The following AGBL1 variants were observed in gnomAD, a reference collection of about 807,000 sequenced individuals.
AGBL1 encodes cytosolic carboxypeptidase 4.
A neutral mutation model predicts 118.9 loss-of-function variants in AGBL1; 130 were observed. That is an observed-to-expected ratio of 1.09 (90% confidence interval 0.95 to 1.26). The LOEUF is 1.26. Among genes scored for constraint, AGBL1 ranks in the 50% most tolerant of loss-of-function variants. AGBL1 has a pLI of 0.00. For synonymous variants in AGBL1, 555 were observed against 478.9 expected (o/e 1.16, Z -2.08); for missense variants, 1,584 against 1,298.1 (o/e 1.22, Z -3.38).
At chr15:86,611,104 T>G (rs999219954) in intron 21 of AGBL1, among the ~76,000 whole-genome samples, 4 of 152,198 alleles carry the variant, frequency 2.6e-5, no homozygotes, top group African/African-American at 9.7e-5. Context: ...ACTTGTATCT[T>G]GTATCTGCTC....
intron 17 of AGBL1, among the ~76,000 whole-genome samples, chr15:86,354,250 T>G (rs1200212495): frequency 6.6e-6 from 1 of 152,232 alleles, no homozygotes; most frequent in Non-Finnish European, 1.5e-5. Flanking sequence ...AAGCAGAAAT[T>G]CATTTGATTA....
chr15:86,485,910 C>T (rs1445187658), intron 18 of AGBL1, among the ~76,000 whole-genome samples: 1 of 152,038 alleles, frequency 6.6e-6, no homozygotes, highest in Non-Finnish European at 1.5e-5. Flanking sequence ...TTGACCACAT[C>T]TCTCCTTTCC....
chr15:86,941,196 A>C lies in AGBL1; in HGVS notation c.3222-46791A>C, dbSNP rs139927876. On this transcript the variant is annotated intron_variant, in intron 23 of 24. Coordinates refer to the AGBL1 transcript ENST00000441037. ...TGAATGGATATATTTGAAGAGCACAAACTCTTTGGCTTTTGGTTAAATATT... is the reference window on the plus strand; with the variant it reads ...TGAATGGATATATTTGAAGAGCACACACTCTTTGGCTTTTGGTTAAATATT... Among the ~76,000 whole-genome samples the C allele has an allele frequency of 2.6e-5, 4 of 152,308 alleles. No individual in the cohort carries two copies. The East Asian group carries it at 5.8e-4, about 22-fold the overall frequency.
chr15:86,216,725 A>G (rs1313808308), intron 5 of AGBL1, among the ~76,000 whole-genome samples: 3 of 152,168 alleles, frequency 2.0e-5, no homozygotes, highest in Admixed American at 6.5e-5. Flanking sequence ...TTTAAAAAAA[A>G]TGTAGAGTTG....
chr15:86,178,475 G>T (rs2077511740), intron 5 of AGBL1, among the ~76,000 whole-genome samples: 2 of 152,072 alleles, frequency 1.3e-5, no homozygotes, highest in Non-Finnish European at 2.9e-5. Flanking sequence ...CCAATAAATT[G>T]GACAACTTAG....
chr15:86,688,424 A>T (rs1274040652), intron 22 of AGBL1, among the ~76,000 whole-genome samples: 1 of 152,168 alleles, frequency 6.6e-6, no homozygotes, highest in African/African-American at 2.4e-5. Flanking sequence ...CTGAAATCAT[A>T]TGCAAATTAA....
At chr15:86,621,726 A>G (rs1228568466) in intron 21 of AGBL1, among the ~76,000 whole-genome samples, 1 of 152,232 alleles carries the variant, frequency 6.6e-6, no homozygotes, top group African/African-American at 2.4e-5. Flanking sequence ...TCAATGCGAT[A>G]TAGCCTTAGT....
chr15:86,158,205 T>A lies in AGBL1; in HGVS notation c.395-728T>A, dbSNP rs564648507. On this transcript the variant is annotated intron_variant, in intron 4 of 22. Transcript: ENST00000614907. The stretch of plus-strand genomic sequence containing the variant: ...CATGCACTCTGCAATAGCAAAGACA[T>A]CAGCCTCAGTCTCTATCTGAAAGAC... Among the ~76,000 whole-genome samples the A allele has an allele frequency of 1.7e-3, 251 of 152,098 alleles. 1 individual carries two copies. Among genetic ancestry groups the A allele is most frequent in the African/African-American group, 5.7e-3 (235 of 41,554 alleles).
chr15:86,215,047 C>T (rs2078161650), intron 5 of AGBL1, among the ~76,000 whole-genome samples: 1 of 152,104 alleles, frequency 6.6e-6, no homozygotes, highest in Admixed American at 6.5e-5. Flanking sequence ...GGATCTGGTT[C>T]CATTTCTGCA....
At chr15:86,160,235 G>A (rs1415425683) in intron 5 of AGBL1, among the ~76,000 whole-genome samples, 1 of 150,598 alleles carries the variant, frequency 6.6e-6, no homozygotes, top group Non-Finnish European at 1.5e-5. Flanking sequence ...ATTCTGCTAA[G>A]AACCCTCATC....
At chr15:86,472,212 T>C (rs1323942367) in intron 18 of AGBL1, among the ~76,000 whole-genome samples, 3 of 152,220 alleles carry the variant, frequency 2.0e-5, no homozygotes, top group Non-Finnish European at 4.4e-5. Flanking sequence ...TGTGGTAATT[T>C]GTTCCAGCAG....
chr15:86,868,136 C>T (rs1445426827), intron 22 of AGBL1, among the ~76,000 whole-genome samples: 2 of 151,868 alleles, frequency 1.3e-5, no homozygotes, highest in Admixed American at 6.6e-5. Flanking sequence ...GAACATCGGT[C>T]ATCAGGTAGA....
chr15:86,469,801 T>C (rs2082455601), intron 18 of AGBL1, among the ~76,000 whole-genome samples: 3 of 152,226 alleles, frequency 2.0e-5, no homozygotes, highest in Non-Finnish European at 2.9e-5. Flanking sequence ...CTCATTGTCA[T>C]TTTAACTTGC....
rs535369216 is a variant in AGBL1 at position 86,450,817 on chromosome 15, C to T, written c.2555+53271C>T. Reference sequence around the variant, plus strand: ...GCATAAAAATTCTCTAGCTGAGTACCTAGGCATGGAATATGCTTTAAATAG... The same window carrying T: ...GCATAAAAATTCTCTAGCTGAGTACTTAGGCATGGAATATGCTTTAAATAG... On this transcript the variant is annotated intron_variant, in intron 18 of 22. Coordinates refer to ENST00000614907, the MANE Select transcript of AGBL1 (RefSeq NM_001386094.1). 1.1e-4 allele frequency among the ~76,000 whole-genome samples: 16 copies of T among 152,202 alleles called. No individual in the cohort carries two copies. In the South Asian group the frequency reaches 3.1e-3, roughly 30 times the overall value.
At chr15:86,709,504 G>A (rs571944087) in intron 22 of AGBL1, among the ~76,000 whole-genome samples, 5 of 152,116 alleles carry the variant, frequency 3.3e-5, no homozygotes, top group African/African-American at 4.8e-5. Flanking sequence ...GCATTGGCTC[G>A]AAATATATTT....
intron 17 of AGBL1, among the ~76,000 whole-genome samples, chr15:86,356,622 T>C (rs1461214139): frequency 3.3e-5 from 5 of 152,102 alleles, no homozygotes; most frequent in Non-Finnish European, 7.4e-5. Context: ...TCCCATGTGT[T>C]TGATGATCTT....
chr15:86,939,409 A>G (rs113092885), intron 23 of AGBL1, among the ~76,000 whole-genome samples: 5,958 of 152,286 alleles, frequency 0.039, 159 homozygotes, highest in Middle Eastern at 0.071. Flanking sequence ...ACTTACACCA[A>G]TGATTTCCCA....
intron 17 of AGBL1, among the ~76,000 whole-genome samples, chr15:86,354,203 A>G (rs2080677340): frequency 6.6e-6 from 1 of 152,228 alleles, no homozygotes; most frequent in Non-Finnish European, 1.5e-5. Context: ...GTGTTAAGGT[A>G]AAATTGCTCC....
chr15:86,254,772 C>A (rs2078868568), intron 7 of AGBL1, among the ~76,000 whole-genome samples: 1 of 152,188 alleles, frequency 6.6e-6, no homozygotes, highest in African/African-American at 2.4e-5. Context: ...TCCCTTTCCT[C>A]ACCTTAGTCT....
Sources: allele counts gnomAD v4.1 joint callset (sites outside exome capture counted in the v4.1 genomes callset), GRCh38; gene constraint gnomAD v4.1.1; transcripts MANE v1.5; gene names NCBI Gene and HGNC (gene_info 2026-07-23, HGNC 2026-07-21).